Variants in TRPM3 observed in about 807,000 individuals in gnomAD.
TRPM3 encodes transient receptor potential cation channel subfamily M member 3, also known as long transient receptor potential channel 3.
In TRPM3, 77 loss-of-function variants were observed where a neutral mutation model predicts 181.2. That is an observed-to-expected ratio of 0.42 (90% CI 0.35 to 0.51). The LOEUF is 0.51. TRPM3 is among the 20% of genes least tolerant of loss of function. The pLI is 0.01. For missense variants in TRPM3, 1,759 were observed against 2,196.7 expected, an observed-to-expected ratio of 0.80 and a Z score of 3.98; for synonymous variants, 745 against 796.4, an observed-to-expected ratio of 0.94 and a Z score of 1.09.
At chr9:71,054,378 T>C (rs1695925033) in intron 1 of TRPM3, among the ~76,000 whole-genome samples, 2 of 152,062 alleles carry the variant, frequency 1.3e-5, no homozygotes, top group African/African-American at 4.8e-5. Flanking sequence ...TCAGCAATTT[T>C]CCTTCATAGG....
intron 21 of TRPM3, among the ~76,000 whole-genome samples, chr9:70,594,470 C>T (rs1486218734): frequency 6.6e-6 from 1 of 152,108 alleles, no homozygotes; most frequent in Non-Finnish European, 1.5e-5. Flanking sequence ...ATCTGGCACA[C>T]AGCAAATGAT....
At chr9:71,278,839 T>C (rs2084432969) in intron 1 of TRPM3, among the ~76,000 whole-genome samples, 1 of 152,038 alleles carries the variant, frequency 6.6e-6, no homozygotes, top group Non-Finnish European at 1.5e-5. Flanking sequence ...ATAGAAATCT[T>C]ACCTATCAAG....
intron 1 of TRPM3, among the ~76,000 whole-genome samples, chr9:71,112,959 G>A (rs575072769): frequency 7.1e-4 from 108 of 152,204 alleles, no homozygotes; most frequent in African/African-American, 2.4e-3. Flanking sequence ...TCAGCTACAC[G>A]GAATTCCATG....
chr9:70,943,407 A>G (rs1427062819), intron 1 of TRPM3, among the ~76,000 whole-genome samples: 8 of 152,268 alleles, frequency 5.3e-5, no homozygotes, highest in Admixed American at 3.3e-4. Context: ...CTTTGATTGC[A>G]TAACATATAG....
intron 1 of TRPM3, among the ~76,000 whole-genome samples, chr9:70,890,744 T>C (rs918509546): frequency 2.6e-5 from 4 of 152,070 alleles, no homozygotes; most frequent in African/African-American, 7.2e-5. Flanking sequence ...TGCTGCAACA[T>C]TTCATGGGAT....
intron 1 of TRPM3, among the ~76,000 whole-genome samples, chr9:71,176,921 T>TG (rs1215536511): frequency 6.6e-6 from 1 of 152,044 alleles, no homozygotes; most frequent in Non-Finnish European, 1.5e-5. Context: ...CCCCAACCCC[T>TG]GGGCCATGGA....
intron 1 of TRPM3, among the ~76,000 whole-genome samples, chr9:71,362,766 C>T (rs2092202625): frequency 6.6e-6 from 1 of 152,050 alleles, no homozygotes; most frequent in Admixed American, 6.6e-5. Flanking sequence ...TAAATAGTAT[C>T]TGGTAGCTAC....
In TRPM3 at chr9:70,535,911, G is replaced by C; in HGVS notation, c.*42C>G. ...AAAACTGGAGTTGGAGAGAATTTTA[G>C]GGCTGGATTCTTGAGCCTTCTGTGG... is the stretch of plus-strand genomic sequence containing the variant. On this transcript the variant is annotated 3_prime_UTR_variant, in exon 26 of 26. Coordinates refer to ENST00000677713, the MANE Select transcript of TRPM3 (RefSeq NM_001366145.2). The C allele has an allele frequency of 1.3e-6, 2 of 1,534,296 alleles. No homozygotes were observed. The highest frequency in any genetic ancestry group is 1.7e-6 in the Non-Finnish European group (2 of 1,143,922).
chr9:70,698,240 T>A (rs72614624), intron 8 of TRPM3, among the ~76,000 whole-genome samples: 22,467 of 151,404 alleles, frequency 0.15, 2,253 homozygotes, highest in East Asian at 0.39. Context: ...TTCTTGCTTA[T>A]ATCCTTGCCC....
rs2134368050 is a variant in TRPM3, at chr9:71,011,095, G to A, written c.177+110083C>T. On this transcript the variant is annotated intron_variant, in intron 1 of 25. Transcript: ENST00000677713. ...ACACTACATGTTCTCACTCATATGT[G>A]GAATCTAAAATACTTGATTTCATAG... Among the ~76,000 whole-genome samples the A allele has an allele frequency of 2.0e-5, 3 of 152,148 alleles. No individual in the cohort carries two copies. In the Middle Eastern group the frequency reaches 0.01, roughly 518 times the overall value.
intron 7 of TRPM3, chr9:70,775,914 G>A (rs1361963054): frequency 6.6e-6 from 1 of 152,330 alleles, no homozygotes; most frequent in Admixed American, 6.6e-5. Context: ...GCTAGATCAA[G>A]CTAATTAACA....
chr9:70,805,391 G>A (rs1315906306), intron 6 of TRPM3, among the ~76,000 whole-genome samples: 4 of 151,786 alleles, frequency 2.6e-5, no homozygotes, highest in East Asian at 3.9e-4. Flanking sequence ...AAAATTAGCC[G>A]GGCATAGTGG....
intron 25 of TRPM3, among the ~76,000 whole-genome samples, chr9:70,548,688 C>T (rs539516832): frequency 3.3e-5 from 5 of 152,332 alleles, no homozygotes; most frequent in African/African-American, 4.8e-5. Flanking sequence ...GGGTGTTCTT[C>T]GGAACAGTGG....
intron 1 of TRPM3, among the ~76,000 whole-genome samples, chr9:71,011,725 A>G (rs1402344134): frequency 2.0e-5 from 3 of 151,394 alleles, no homozygotes; most frequent in Non-Finnish European, 4.4e-5. Flanking sequence ...AAATAATAAT[A>G]AAAAGGCTTT....
intron 1 of TRPM3, among the ~76,000 whole-genome samples, chr9:70,885,387 A>T (rs1398998368): frequency 1.3e-5 from 2 of 151,970 alleles, no homozygotes; most frequent in Non-Finnish European, 2.9e-5. Context: ...TTGAGGGCAA[A>T]TTTTTTTCCC....
intron 1 of TRPM3, among the ~76,000 whole-genome samples, chr9:71,065,186 T>C (rs1267949555): frequency 6.6e-6 from 1 of 152,106 alleles, no homozygotes; most frequent in Admixed American, 6.6e-5. Flanking sequence ...TTGTAGAAGG[T>C]AATAGACACT....
intron 1 of TRPM3, among the ~76,000 whole-genome samples, chr9:71,367,234 TATTTGATCA>T (rs2092364065): frequency 6.6e-6 from 1 of 152,202 alleles, no homozygotes; most frequent in South Asian, 2.1e-4. Flanking sequence ...AGCAACCATG[TATTTGATCA>T]ATATGATCAA....
intron 1 of TRPM3, among the ~76,000 whole-genome samples, chr9:71,373,343 G>GT (rs957748882): frequency 6.6e-6 from 1 of 151,634 alleles, no homozygotes; most frequent in Non-Finnish European, 1.5e-5. Context: ...CCAGGAGGTG[G>GT]TTTTTTGAAA....
chr9:71,315,032 T>C (rs1183820861), intron 1 of TRPM3, among the ~76,000 whole-genome samples: 1 of 152,128 alleles, frequency 6.6e-6, no homozygotes, highest in African/African-American at 2.4e-5. Flanking sequence ...CAGTGTTGTC[T>C]CCTGGGTGAT....
Sources: allele counts gnomAD v4.1 joint callset (sites outside exome capture counted in the v4.1 genomes callset), GRCh38; gene constraint gnomAD v4.1.1; transcripts MANE v1.5; gene names NCBI Gene and HGNC (gene_info 2026-07-23, HGNC 2026-07-21).